Variants in SENP2 observed in about 807,000 individuals in gnomAD.
The protein encoded by SENP2 is SUMO specific peptidase 2.
Under a neutral mutation model 86.3 loss-of-function variants are expected in SENP2, and 16 were observed. That is an observed-to-expected ratio of 0.19 (90% CI 0.13 to 0.28). SENP2 has a LOEUF of 0.28. Ranked by LOEUF, SENP2 falls within the 10% of genes least tolerant of loss-of-function variation. The pLI, the probability that SENP2 is intolerant of heterozygous loss-of-function variation, is 1.00. For synonymous variants in SENP2, 222 were observed against 238.7 expected, an observed-to-expected ratio of 0.93 and a Z score of 0.64; for missense variants, 552 against 703.0, an observed-to-expected ratio of 0.79 and a Z score of 2.43.
chr3:185,603,277 AAAAGATC>A (rs1722407129), intron 5 of SENP2, among the ~76,000 whole-genome samples: 1 of 152,196 alleles, frequency 6.6e-6, no homozygotes, highest in Non-Finnish European at 1.5e-5. Context: ...CACCTTAACC[AAAAGATC>A]AAAGTGAAGT....
intron 6 of SENP2, chr3:185,606,816 A>G (rs1275091700): frequency 5.8e-6 from 3 of 516,092 alleles, no homozygotes; most frequent in Non-Finnish European, 1.1e-5. Flanking sequence ...TTGCTTATCG[A>G]GGAGCAGAAA....
At chr3:185,619,528 T>C (rs746734926) in intron 13 of SENP2, 26 bp downstream of exon 13, 3 of 1,599,542 alleles carry the variant, frequency 1.9e-6, no homozygotes, top group Non-Finnish European at 2.6e-6. Flanking sequence ...TAATGGTTAA[T>C]TGTTGGACTT....
intron 16 of SENP2, among the ~76,000 whole-genome samples, chr3:185,629,433 C>T (rs1052794775): frequency 6.6e-6 from 1 of 152,084 alleles, no homozygotes; most frequent in Non-Finnish European, 1.5e-5. Flanking sequence ...AAAAAATAAG[C>T]CGGGTGTGCT....
chr3:185,601,453 G>A (rs1194133638), intron 5 of SENP2, among the ~76,000 whole-genome samples: 2 of 152,084 alleles, frequency 1.3e-5, no homozygotes, highest in Admixed American at 1.3e-4. Context: ...TATGCATACA[G>A]AAAAGTGCTG....
At chr3:185,588,394 T>G (rs1356243204) in intron 1 of SENP2, among the ~76,000 whole-genome samples, 1 of 151,560 alleles carries the variant, frequency 6.6e-6, no homozygotes, top group Non-Finnish European at 1.5e-5. Flanking sequence ...GGTTTCACCG[T>G]GTTAGCCAGG....
intron 14 of SENP2, among the ~76,000 whole-genome samples, chr3:185,622,642 T>C (rs1223937803): frequency 6.6e-6 from 1 of 152,052 alleles, no homozygotes. Context: ...TATAAAATGG[T>C]TCTCTTCTAG....
chr3:185,608,903 T>G (rs1001965945), intron 6 of SENP2: 1 of 168,934 alleles, frequency 5.9e-6, no homozygotes, highest in Admixed American at 6.3e-5. Flanking sequence ...ATTCTCGTTA[T>G]GCAAGCAGAT....
chr3:185,606,250 A>G, intron 5 of SENP2, 80 bp from the exon 6 acceptor site: 2 of 1,336,908 alleles, frequency 1.5e-6, no homozygotes, highest in South Asian at 1.5e-5. Flanking sequence ...CAACTTAATC[A>G]CAGGATGGTC....
chr3:185,627,083 CAAAAAA>C (rs34406883), intron 16 of SENP2, among the ~76,000 whole-genome samples: 3 of 75,564 alleles, frequency 4.0e-5, no homozygotes, highest in Admixed American at 1.6e-4. Flanking sequence ...AACCCTGTCT[CAAAAAA>C]AAAAAAAAAA....
At chr3:185,627,083 C>CAAA (rs34406883) in intron 16 of SENP2, among the ~76,000 whole-genome samples, 1,828 of 75,386 alleles carry the variant, frequency 0.024, 46 homozygotes, top group Middle Eastern at 0.046. Flanking sequence ...AACCCTGTCT[C>CAAA]AAAAAAAAAA....
Position 185,586,462 on chromosome 3 carries a change from G to C in SENP2, c.49G>C (p.Asp17His), listed in dbSNP as rs1458654842. 4 of 1,613,946 alleles carry C rather than the reference G, an allele frequency of 2.5e-6. No individual in the cohort carries two copies. ...RILGTIFRFC[D>H]RSVPPARALL... is the part of the protein sequence containing the mutation. The stretch of plus-strand genomic sequence containing the variant: ...TCTCGGCACCATTTTCCGTTTCTGC[G>C]ACCGGTCGGTGCCCCCTGCCCGGGC... The change falls in exon 1 of 17, where the codon GAC becomes CAC. Residue 17 changes from aspartate (D) to histidine (H), a missense_variant. Asp to His is a moderately conservative substitution (Grantham distance 81). Transcript: ENST00000296257. The surrounding 1 kb of genome is among the most constrained non-coding windows in gnomAD (Gnocchi z 4.3).
chr3:185,586,454 G>C lies in SENP2; in HGVS notation c.41G>C (p.Arg14Pro). Residue 14 changes from arginine to proline, a missense_variant, in exon 1 of 17, where the codon CGT becomes CCT. By Grantham distance (103) the Arg-to-Pro change is moderately radical. Around this residue, in one of 2 missense-constraint regions of SENP2, gnomAD observed 383 missense variants for 427.3 expected, o/e 0.90. Transcript: ENST00000296257. This position sits in a 1 kb window ranked among gnomAD's most constrained non-coding sequence, Gnocchi z 4.3. ...WLVRILGTIFRFCDRSVPPAR... is the reference protein window; with the variant it reads ...WLVRILGTIFPFCDRSVPPAR... Reference sequence around the variant, plus strand: ...GTTAGGATTCTCGGCACCATTTTCCGTTTCTGCGACCGGTCGGTGCCCCCT... The same window carrying C: ...GTTAGGATTCTCGGCACCATTTTCCCTTTCTGCGACCGGTCGGTGCCCCCT... 6.2e-7 allele frequency: 1 copy of C among 1,614,040 alleles called. No individual in the cohort carries two copies. Among genetic ancestry groups the C allele is most frequent in the East Asian group, 2.2e-5 (1 of 44,882 alleles).
chr3:185,603,938 A>G lies in SENP2; in HGVS notation c.450-2392A>G, dbSNP rs200250522. Among the ~76,000 whole-genome samples, 3 of 152,262 alleles carry G rather than the reference A, an allele frequency of 2.0e-5. No individual in the cohort carries two copies. In the East Asian group the frequency reaches 5.8e-4, roughly 29 times the overall value. ...GGAGTTTGAGACCAGCCTGGCCAAC[A>G]TGGTGAAACCCCATCTCTACTAAAA... On this transcript the variant is annotated intron_variant, in intron 5 of 16. Transcript: ENST00000296257.
intron 2 of SENP2, among the ~76,000 whole-genome samples, chr3:185,592,007 ATTTCT>A (rs1375013876): frequency 5.7e-5 from 2 of 35,080 alleles, no homozygotes; most frequent in East Asian, 8.3e-4. Flanking sequence ...AACCGGTAAT[ATTTCT>A]TTTTTTTTTT....
chr3:185,590,223 C>A, intron 2 of SENP2, 54 bp downstream of exon 2: 3 of 917,498 alleles, frequency 3.3e-6, no homozygotes, highest in South Asian at 1.8e-5. Context: ...AAAATATATG[C>A]ATGGAACAAA....
intron 13 of SENP2, among the ~76,000 whole-genome samples, chr3:185,619,726 T>C (rs1056648088): frequency 2.6e-5 from 4 of 151,930 alleles, no homozygotes; most frequent in Admixed American, 1.3e-4. Context: ...TTTATTTTAT[T>C]TTACTATTTT....
rs1274662226 is a variant in SENP2, at chr3:185,616,260, C to T, written c.1111-1220C>T. On this transcript the variant is annotated intron_variant, in intron 11 of 16. Transcript: ENST00000296257. ...AGCCAAGATGGGCGGATCATGAAGTCAGGAGTTCGAGACCAGCCTGGCCAG... is the reference window on the plus strand; with the variant it reads ...AGCCAAGATGGGCGGATCATGAAGTTAGGAGTTCGAGACCAGCCTGGCCAG... Among the ~76,000 whole-genome samples, 3 of 146,336 alleles carry T rather than the reference C, an allele frequency of 2.1e-5. No individual in the cohort carries two copies. The East Asian group carries it at 6.3e-4, about 31-fold the overall frequency.
chr3:185,631,855 C>T lies in SENP2; in HGVS notation c.*2011C>T, dbSNP rs1712495289. 1.3e-5 allele frequency: 2 copies of T among 150,964 alleles called. No individual in the cohort carries two copies. The highest frequency in any genetic ancestry group is 4.9e-5 in the African/African-American group (2 of 41,006). 9.4% of individuals were successfully genotyped at this position (150,964 alleles called of 1,614,324 possible). The stretch of plus-strand genomic sequence containing the variant: ...TTGTATTCCGCCCACGTGAATGATG[C>T]TGAGCTTAATGTATTATTTTGAGGG... On this transcript the variant is annotated 3_prime_UTR_variant, in exon 17 of 17. Coordinates refer to ENST00000296257, the MANE Select transcript of SENP2 (RefSeq NM_021627.3).
intron 11 of SENP2, among the ~76,000 whole-genome samples, chr3:185,615,586 T>C (rs150214930): frequency 0.011 from 1,655 of 152,102 alleles, 12 homozygotes; most frequent in South Asian, 0.026. Flanking sequence ...TTAGATGATC[T>C]ACCCACCTCG....
Sources: allele counts gnomAD v4.1 joint callset (sites outside exome capture counted in the v4.1 genomes callset), GRCh38; gene constraint gnomAD v4.1.1; regional missense constraint gnomAD v4.1.1; non-coding constraint Gnocchi (gnomAD v3.1); transcripts MANE v1.5; gene names NCBI Gene and HGNC (gene_info 2026-07-23, HGNC 2026-07-21).